PRKN: variants seen among roughly 807,000 people sequenced by gnomAD.
PRKN encodes parkin RBR E3 ubiquitin protein ligase.
PRKN carries 56 observed loss-of-function variants against 59.5 expected under a neutral mutation model. The observed-to-expected ratio is 0.94, with a 90% CI of 0.76 to 1.18. The LOEUF is 1.18. PRKN is among the 50% of genes most tolerant of loss of function. PRKN has a pLI of 0.00. For missense variants in PRKN, 657 were observed against 596.4 expected (o/e 1.10, Z -1.06); for synonymous variants, 250 against 222.1 (o/e 1.13, Z -1.12).
chr6:161,619,981 C>CTTTTTTTTT (rs71004058), intron 7 of PRKN, among the ~76,000 whole-genome samples: 5 of 63,118 alleles, frequency 7.9e-5, no homozygotes, highest in South Asian at 6.7e-4. Context: ...ACACATTATT[C>CTTTTTTTTT]TTTTTTTTTT....
intron 1 of PRKN, among the ~76,000 whole-genome samples, chr6:162,468,275 C>T (rs1300042200): frequency 6.6e-6 from 1 of 152,176 alleles, no homozygotes; most frequent in African/African-American, 2.4e-5. Flanking sequence ...AAGAGACATG[C>T]TACAAATGTT....
At chr6:162,325,379 T>A (rs1281710121) in intron 2 of PRKN, among the ~76,000 whole-genome samples, 1 of 152,148 alleles carries the variant, frequency 6.6e-6, no homozygotes, top group East Asian at 1.9e-4. Context: ...TAAAACTCTT[T>A]GTACCATTTT....
intron 1 of PRKN, among the ~76,000 whole-genome samples, chr6:162,637,273 GCCC>G (rs11330252): frequency 1.9e-5 from 2 of 106,148 alleles, no homozygotes; most frequent in African/African-American, 3.5e-5. Context: ...CCTCCCACCC[GCCC>G]CCCCCCCCAA....
chr6:161,771,389 AAAT>A lies in PRKN; in HGVS notation c.871+14380_871+14382del, dbSNP rs1426455999. The stretch of plus-strand genomic sequence containing the variant: ...AAAAAAAATAAAATAAAATAAAATA[AAAT>A]AAAATAAAAGCACTGCTGTGCTTGA... On this transcript the variant is annotated intron_variant, in intron 7 of 11. Coordinates refer to ENST00000366898, the MANE Select transcript of PRKN (RefSeq NM_004562.3). 2.7e-3 allele frequency among the ~76,000 whole-genome samples: 402 copies of A among 148,124 alleles called. 19 individuals are homozygous for A. The highest frequency in any genetic ancestry group is 9.9e-3 in the East Asian group (50 of 5,072).
chr6:161,683,600 G>GT (rs1423434184), intron 7 of PRKN, among the ~76,000 whole-genome samples: 2 of 152,220 alleles, frequency 1.3e-5, no homozygotes, highest in African/African-American at 4.8e-5. Flanking sequence ...CTGAACGCTT[G>GT]TAAGTCAGAC....
intron 3 of PRKN, among the ~76,000 whole-genome samples, chr6:162,258,057 TC>T (rs1779727152): frequency 6.6e-6 from 1 of 152,174 alleles, no homozygotes; most frequent in Non-Finnish European, 1.5e-5. Context: ...CGAGTTGCTG[TC>T]GCCTCTGCCA....
chr6:162,708,060 TAAAC>T (rs1197354575), intron 1 of PRKN, among the ~76,000 whole-genome samples: 3 of 152,184 alleles, frequency 2.0e-5, no homozygotes, highest in African/African-American at 4.8e-5. Flanking sequence ...AAGGGGAAAA[TAAAC>T]AAATAATTCA....
chr6:162,701,461 T>C lies in PRKN; in HGVS notation c.7+26201A>G, dbSNP rs112769406. Among the ~76,000 whole-genome samples, 782 of 152,096 alleles carry C rather than the reference T, an allele frequency of 5.1e-3. 7 individuals carry two copies. Among genetic ancestry groups the C allele is most frequent in the African/African-American group, 0.017 (715 of 41,498 alleles). ...ATAGTTAAAAAGTAGTTTTTAAAAT[T>C]TGAGATGCATTGCAAAAAAAAAAAA... On this transcript the variant is annotated intron_variant, in intron 1 of 11. Transcript: ENST00000366898.
At chr6:162,391,333 C>T (rs1170076951) in intron 2 of PRKN, among the ~76,000 whole-genome samples, 1 of 151,152 alleles carries the variant, frequency 6.6e-6, no homozygotes, top group Non-Finnish European at 1.5e-5. Flanking sequence ...ACGTGGATTT[C>T]GAAAATCTGC....
intron 1 of PRKN, among the ~76,000 whole-genome samples, chr6:162,681,206 T>C (rs1346972561): frequency 6.6e-6 from 1 of 152,128 alleles, no homozygotes; most frequent in Non-Finnish European, 1.5e-5. Context: ...AATGCAGAAA[T>C]GTACCAAAGA....
intron 5 of PRKN, among the ~76,000 whole-genome samples, chr6:162,023,606 C>T (rs1004373458): frequency 1.6e-4 from 24 of 152,228 alleles, no homozygotes; most frequent in African/African-American, 5.8e-4. Flanking sequence ...CTTCTTCCGC[C>T]GATGTGCTCC....
At chr6:162,492,956 C>CAAAAAAAAAAAAAAAA (rs34716532) in intron 1 of PRKN, among the ~76,000 whole-genome samples, 1 of 110,348 alleles carries the variant, frequency 9.1e-6, no homozygotes, top group Non-Finnish European at 1.8e-5. Context: ...TTGTCTCAAA[C>CAAAAAAAAAAAAAAAA]AAAAAAAAAA....
intron 7 of PRKN, among the ~76,000 whole-genome samples, chr6:161,684,314 TCAAGCAA>T (rs2128173385): frequency 1.3e-5 from 2 of 152,296 alleles, no homozygotes; most frequent in East Asian, 3.9e-4. Context: ...CAGGCTGGTC[TCAAGCAA>T]TCCTCCCACC....
chr6:162,546,083 A>G (rs1319208072), intron 1 of PRKN, among the ~76,000 whole-genome samples: 1 of 150,190 alleles, frequency 6.7e-6, no homozygotes, highest in Non-Finnish European at 1.5e-5. Context: ...AGCAATTACC[A>G]TGTAAAAGTG....
At chr6:162,522,029 C>A (rs6908330) in intron 1 of PRKN, among the ~76,000 whole-genome samples, 120,004 of 152,166 alleles carry the variant, frequency 0.79, 48,805 homozygotes, top group South Asian at 0.93. Flanking sequence ...TCGATGTCCC[C>A]AGTTAATGCT....
chr6:162,154,524 GA>G (rs5881452), intron 4 of PRKN, among the ~76,000 whole-genome samples: 116,936 of 143,152 alleles, frequency 0.82, 48,884 homozygotes, highest in Non-Finnish European at 0.91. Context: ...TACAAAAGGA[GA>G]AAAAAAAAAA....
At chr6:161,908,360 G>GT (rs1189974008) in intron 6 of PRKN, among the ~76,000 whole-genome samples, 1 of 152,052 alleles carries the variant, frequency 6.6e-6, no homozygotes, top group East Asian at 1.9e-4. Flanking sequence ...AAATTCAACT[G>GT]TATGTTCCTT....
intron 6 of PRKN, among the ~76,000 whole-genome samples, chr6:161,788,201 T>C (rs1322608817): frequency 3.9e-5 from 6 of 152,166 alleles, no homozygotes; most frequent in East Asian, 1.9e-4. Context: ...TCATACCATC[T>C]AGACAACACA....
intron 7 of PRKN, among the ~76,000 whole-genome samples, chr6:161,676,933 C>G (rs1785109187): frequency 6.6e-6 from 1 of 152,174 alleles, no homozygotes; most frequent in Non-Finnish European, 1.5e-5. Flanking sequence ...GCTTTGTCTG[C>G]AATGATGCTA....
Sources: allele counts gnomAD v4.1 joint callset (sites outside exome capture counted in the v4.1 genomes callset), GRCh38; gene constraint gnomAD v4.1.1; transcripts MANE v1.5; gene names NCBI Gene and HGNC (gene_info 2026-07-23, HGNC 2026-07-21).